Variants in TRIM2 observed in about 807,000 individuals in gnomAD.
TRIM2 encodes tripartite motif containing 2, also known as tripartite motif-containing protein 2.
TRIM2 carries 20 observed loss-of-function variants against 75.2 expected under a neutral mutation model. The ratio of observed to expected loss-of-function variants is 0.27; its 90% CI spans 0.19 to 0.39. The LOEUF is 0.39. Among genes scored for constraint, TRIM2 ranks in the 10% least tolerant of loss-of-function variants. TRIM2 has a pLI of 1.00. For missense variants in TRIM2, 660 were observed against 990.8 expected, an observed-to-expected ratio of 0.67 and a Z score of 4.48; for synonymous variants, 373 against 388.3, an observed-to-expected ratio of 0.96 and a Z score of 0.46.
At chr4:153,183,314 A>G (rs1159691391) in intron 1 of TRIM2, among the ~76,000 whole-genome samples, 1 of 152,216 alleles carries the variant, frequency 6.6e-6, no homozygotes, top group African/African-American at 2.4e-5. Flanking sequence ...CCCATGATAA[A>G]GCCCAGTGCC....
At chr4:153,285,209 C>T (rs10021898) in intron 3 of TRIM2, among the ~76,000 whole-genome samples, 27,647 of 152,144 alleles carry the variant, frequency 0.18, 3,193 homozygotes, top group African/African-American at 0.33. Context: ...TCCCATTGAG[C>T]TGTGTTGACA....
chr4:153,278,076 T>C (rs1220467552), intron 3 of TRIM2, among the ~76,000 whole-genome samples: 1 of 152,136 alleles, frequency 6.6e-6, no homozygotes, highest in Non-Finnish European at 1.5e-5. Context: ...TTAGAAACAT[T>C]AGGTTGTTTT....
intron 6 of TRIM2, among the ~76,000 whole-genome samples, chr4:153,312,645 G>C (rs1301369592): frequency 6.6e-6 from 1 of 152,152 alleles, no homozygotes. Flanking sequence ...GGAAGTCAGT[G>C]TGGTGATTCC....
At chr4:153,325,102 C>T (rs1769865573) in intron 10 of TRIM2, among the ~76,000 whole-genome samples, 1 of 152,156 alleles carries the variant, frequency 6.6e-6, no homozygotes, top group African/African-American at 2.4e-5. Context: ...CTTATCAGTG[C>T]TAATGACTGC....
At chr4:153,173,981 T>C (rs757383570) in intron 1 of TRIM2, among the ~76,000 whole-genome samples, 1 of 151,484 alleles carries the variant, frequency 6.6e-6, no homozygotes, top group South Asian at 2.1e-4. Flanking sequence ...AGAATAATAA[T>C]TAATAAATAC....
intron 8 of TRIM2, among the ~76,000 whole-genome samples, chr4:153,320,383 T>G (rs185637646): frequency 1.3e-5 from 2 of 152,328 alleles, no homozygotes; most frequent in East Asian, 3.9e-4. Context: ...TACTAGAAAA[T>G]TTAAAAATAC....
chr4:153,175,059 A>G (rs6835765), intron 1 of TRIM2, among the ~76,000 whole-genome samples: 140,024 of 152,126 alleles, frequency 0.92, 64,497 homozygotes, highest in African/African-American at 0.94. Context: ...GCCCAGGTTA[A>G]GGTGCAGTGG....
chr4:153,308,216 G>C, intron 6 of TRIM2: 1 of 1,474,094 alleles, frequency 6.8e-7, no homozygotes, highest in Non-Finnish European at 9.5e-7. Flanking sequence ...CAATGACAGA[G>C]CCATCCTCTG....
chr4:153,228,104 G>GA (rs1338117454), intron 1 of TRIM2, among the ~76,000 whole-genome samples: 1 of 152,204 alleles, frequency 6.6e-6, no homozygotes, highest in Non-Finnish European at 1.5e-5. Flanking sequence ...GTCACCCACA[G>GA]AAAGTGGATA....
chr4:153,238,003 G>C, intron 1 of TRIM2, among the ~76,000 whole-genome samples: 1 of 152,124 alleles, frequency 6.6e-6, no homozygotes, highest in Non-Finnish European at 1.5e-5. Flanking sequence ...ATGACCTCAG[G>C]AGCCAGTTCT....
At chr4:153,166,445 A>G (rs1230123039) in intron 1 of TRIM2, among the ~76,000 whole-genome samples, 1 of 151,930 alleles carries the variant, frequency 6.6e-6, no homozygotes, top group Non-Finnish European at 1.5e-5. Context: ...TCTTTGGGTG[A>G]TCCCAAAAGG....
Position 153,280,384 on chromosome 4 carries a change from C to CTTTTTTTTT in TRIM2, c.453+4262_453+4270dup, listed in dbSNP as rs3048122. 3.5e-4 allele frequency among the ~76,000 whole-genome samples: 41 copies of CTTTTTTTTT among 116,964 alleles called. 4 individuals are homozygous for CTTTTTTTTT. Among genetic ancestry groups the CTTTTTTTTT allele is most frequent in the East Asian group, 9.1e-4 (4 of 4,414 alleles). The allele number at this position is 116,964 out of a possible 152,430, so 76.7% of individuals were successfully genotyped here. On this transcript the variant is annotated intron_variant, in intron 3 of 11. Transcript: ENST00000338700. ...TTAATTAAAATACCCCAGCAAATTC[C>CTTTTTTTTT]TTTTTTTTTTTTTTTTGCTGGGTCT... is the stretch of plus-strand genomic sequence containing the variant.
At chr4:153,226,059 C>T (rs996814344) in intron 1 of TRIM2, among the ~76,000 whole-genome samples, 5 of 152,112 alleles carry the variant, frequency 3.3e-5, no homozygotes, top group Admixed American at 6.5e-5. Flanking sequence ...TTTGTAGAGA[C>T]AGTGGCTCAC....
intron 11 of TRIM2, among the ~76,000 whole-genome samples, chr4:153,332,965 T>C (rs1332880060): frequency 6.6e-6 from 1 of 152,234 alleles, no homozygotes; most frequent in African/African-American, 2.4e-5. Flanking sequence ...ATTATACTCC[T>C]GGCTGTCTGT....
At chr4:153,159,047 G>A (rs1031374289) in intron 1 of TRIM2, among the ~76,000 whole-genome samples, 9 of 152,286 alleles carry the variant, frequency 5.9e-5, no homozygotes, top group South Asian at 4.1e-4. Context: ...GCCATTGCAG[G>A]TTGTTCTAAG....
chr4:153,278,981 T>A (rs1758639195), intron 3 of TRIM2, among the ~76,000 whole-genome samples: 1 of 152,112 alleles, frequency 6.6e-6, no homozygotes, highest in South Asian at 2.1e-4. Flanking sequence ...TGGGATGAGC[T>A]GTGAATATCA....
chr4:153,187,555 A>T (rs111657386), intron 1 of TRIM2, among the ~76,000 whole-genome samples: 3,666 of 152,240 alleles, frequency 0.024, 148 homozygotes, highest in African/African-American at 0.084. Flanking sequence ...GAGAGAGAGG[A>T]AGAAGGCTGC....
chr4:153,232,070 C>G (rs750493275), intron 1 of TRIM2, among the ~76,000 whole-genome samples: 10 of 152,120 alleles, frequency 6.6e-5, no homozygotes, highest in Non-Finnish European at 1.2e-4. Flanking sequence ...AAACCAAAAT[C>G]CAAAAATACT....
intron 1 of TRIM2, among the ~76,000 whole-genome samples, chr4:153,163,819 G>A (rs942850294): frequency 3.0e-5 from 4 of 132,632 alleles, no homozygotes; most frequent in African/African-American, 1.0e-4. Flanking sequence ...ATCTTAAAAC[G>A]TGCTGCAAAC....
Sources: allele counts gnomAD v4.1 joint callset (sites outside exome capture counted in the v4.1 genomes callset), GRCh38; gene constraint gnomAD v4.1.1; transcripts MANE v1.5; gene names NCBI Gene and HGNC (gene_info 2026-07-23, HGNC 2026-07-21).